Variants in SPATS2L observed in about 807,000 individuals in gnomAD.
The protein encoded by SPATS2L is spermatogenesis associated serine rich 2 like.
SPATS2L carries 30 observed loss-of-function variants against 59.6 expected under a neutral mutation model. The ratio of observed to expected loss-of-function variants is 0.50; its 90% CI spans 0.38 to 0.68. The LOEUF (loss-of-function observed/expected upper bound fraction) is 0.68. SPATS2L is among the 30% of genes least tolerant of loss of function. The pLI, the probability that SPATS2L is intolerant of heterozygous loss-of-function variation, is 0.00. For synonymous variants in SPATS2L, 252 were observed against 263.5 expected, an observed-to-expected ratio of 0.96 and a Z score of 0.42; for missense variants, 615 against 700.0, an observed-to-expected ratio of 0.88 and a Z score of 1.37.
intron 6 of SPATS2L, among the ~76,000 whole-genome samples, chr2:200,435,673 A>C (rs180811739): frequency 6.6e-6 from 1 of 152,288 alleles, no homozygotes; most frequent in East Asian, 1.9e-4. Flanking sequence ...TAGAAATTGC[A>C]GAGGATATTT....
At chr2:200,353,784 G>A (rs985527348) in intron 2 of SPATS2L, among the ~76,000 whole-genome samples, 5 of 152,176 alleles carry the variant, frequency 3.3e-5, no homozygotes, top group African/African-American at 1.2e-4. Flanking sequence ...CTGTGCCGTG[G>A]TCTAAAACAG....
chr2:200,453,571 G>A (rs2085619365), intron 8 of SPATS2L, among the ~76,000 whole-genome samples: 1 of 152,176 alleles, frequency 6.6e-6, no homozygotes, highest in South Asian at 2.1e-4. Context: ...CAACTAGTGG[G>A]CAAAATTTAA....
intron 8 of SPATS2L, among the ~76,000 whole-genome samples, chr2:200,457,700 G>A (rs2085947495): frequency 6.6e-6 from 1 of 152,230 alleles, no homozygotes; most frequent in South Asian, 2.1e-4. Flanking sequence ...GCCATGCACT[G>A]TGCAATTAGT....
At chr2:200,403,530 A>G (rs1386609733) in intron 3 of SPATS2L, among the ~76,000 whole-genome samples, 2 of 152,058 alleles carry the variant, frequency 1.3e-5, no homozygotes, top group Non-Finnish European at 1.5e-5. Context: ...CTCATCTTCT[A>G]ATTCTCTTTA....
chr2:200,318,637 C>T (rs762811382), intron 1 of SPATS2L, among the ~76,000 whole-genome samples: 2 of 152,094 alleles, frequency 1.3e-5, no homozygotes, highest in African/African-American at 2.4e-5. Context: ...GGACTCTTCT[C>T]GATTGCATTT....
chr2:200,378,280 TG>T (rs1390823248), intron 2 of SPATS2L: 1 of 1,002,340 alleles, frequency 1.0e-6, no homozygotes, highest in Non-Finnish European at 1.2e-6. Flanking sequence ...AGGTGGCCAG[TG>T]GGGGAACAGA....
At chr2:200,464,775 G>A (rs1285079693) in intron 9 of SPATS2L, among the ~76,000 whole-genome samples, 1 of 52,716 alleles carries the variant, frequency 1.9e-5, no homozygotes, top group Non-Finnish European at 9.9e-5. Flanking sequence ...CACTGCGCCT[G>A]GCAACAGAAT....
At chr2:200,332,869 TAGG>T (rs1010309348) in intron 2 of SPATS2L, among the ~76,000 whole-genome samples, 7 of 151,902 alleles carry the variant, frequency 4.6e-5, no homozygotes, top group South Asian at 2.1e-4. Context: ...TCTCTATCAG[TAGG>T]AGAATAGATT....
chr2:200,355,407 C>G (rs572790357), intron 2 of SPATS2L, among the ~76,000 whole-genome samples: 1 of 152,336 alleles, frequency 6.6e-6, no homozygotes, highest in African/African-American at 2.4e-5. Flanking sequence ...TTTTAAAAAT[C>G]TGGATGTCTG....
At chr2:200,401,810 T>C (rs901888199) in intron 3 of SPATS2L, among the ~76,000 whole-genome samples, 1 of 152,156 alleles carries the variant, frequency 6.6e-6, no homozygotes, top group Admixed American at 6.6e-5. Flanking sequence ...GCAGCCAGGG[T>C]TGAGACTCAG....
chr2:200,419,696 C>T (rs1441159703), intron 6 of SPATS2L, among the ~76,000 whole-genome samples, 200 bp downstream of exon 6: 1 of 150,132 alleles, frequency 6.7e-6, no homozygotes, highest in East Asian at 1.9e-4. Context: ...TCTAGCTCTA[C>T]ACCAAGTCAG....
rs1276020876 is a variant in SPATS2L at position 200,481,488 on chromosome 2, G to T, written c.*3457G>T. The T allele has an allele frequency of 6.6e-6, 1 of 152,206 alleles. No individual in the cohort carries two copies. Among genetic ancestry groups the T allele is most frequent in the African/African-American group, 2.4e-5 (1 of 41,428 alleles). 9.4% of individuals were successfully genotyped at this position (152,206 alleles called of 1,614,324 possible). On this transcript the variant is annotated 3_prime_UTR_variant, in exon 13 of 13. Coordinates refer to ENST00000409140, the MANE Select transcript of SPATS2L (RefSeq NM_001100423.2). ...CCCACCCCGACGCAGGCACAGGTCC[G>T]CAACCAGATAGGGAGATGCCTGAAT... is the stretch of plus-strand genomic sequence containing the variant.
chr2:200,473,187 C>T, intron 12 of SPATS2L, 135 bp downstream of exon 12: 1 of 819,832 alleles, frequency 1.2e-6, no homozygotes, highest in Non-Finnish European at 1.9e-6. Context: ...CTCACCCACT[C>T]CCCACCCAGC....
intron 2 of SPATS2L, among the ~76,000 whole-genome samples, chr2:200,356,721 A>G (rs2080928703): frequency 6.6e-6 from 1 of 152,180 alleles, no homozygotes. Flanking sequence ...ATGTCAGCCT[A>G]TTTTGTATAA....
At chr2:200,398,066 T>G (rs1327278189) in intron 3 of SPATS2L, among the ~76,000 whole-genome samples, 2 of 151,718 alleles carry the variant, frequency 1.3e-5, no homozygotes, top group Non-Finnish European at 2.9e-5. Context: ...TGATGAGGAG[T>G]GTTTAGGCCA....
chr2:200,405,529 G>A (rs1199166560), intron 3 of SPATS2L, among the ~76,000 whole-genome samples: 3 of 152,182 alleles, frequency 2.0e-5, no homozygotes, highest in Non-Finnish European at 4.4e-5. Flanking sequence ...AATTATCCAT[G>A]ATGTGAAGGT....
intron 8 of SPATS2L, among the ~76,000 whole-genome samples, chr2:200,445,942 A>G (rs1451235352): frequency 6.6e-6 from 1 of 152,144 alleles, no homozygotes; most frequent in Non-Finnish European, 1.5e-5. Flanking sequence ...ACTTCTTTCC[A>G]TACCAAAGTA....
At chr2:200,333,143 G>A (rs2080010285) in intron 2 of SPATS2L, among the ~76,000 whole-genome samples, 2 of 151,686 alleles carry the variant, frequency 1.3e-5, no homozygotes, top group South Asian at 4.2e-4. Flanking sequence ...CACCTTAGCT[G>A]GGTGTGGTGG....
intron 11 of SPATS2L, among the ~76,000 whole-genome samples, chr2:200,471,433 G>A (rs775752702): frequency 3.0e-4 from 45 of 151,948 alleles, no homozygotes; most frequent in Non-Finnish European, 2.5e-4. Flanking sequence ...CCGATCTCGG[G>A]GCGATGGAGA....
Sources: allele counts gnomAD v4.1 joint callset (sites outside exome capture counted in the v4.1 genomes callset), GRCh38; gene constraint gnomAD v4.1.1; transcripts MANE v1.5; gene names NCBI Gene and HGNC (gene_info 2026-07-23, HGNC 2026-07-21).